ZNF337: variants seen among roughly 807,000 people sequenced by gnomAD.
ZNF337 encodes the protein zinc finger protein 337.
Under a neutral mutation model 12.1 loss-of-function variants are expected in ZNF337, and 8 were observed. The ratio of observed to expected loss-of-function variants is 0.66; its 90% confidence interval spans 0.39 to 1.19. ZNF337 has a LOEUF of 1.19. Among genes scored for constraint, ZNF337 ranks in the 50% most tolerant of loss-of-function variants. The probability of loss-of-function intolerance (pLI) is 0.01; values close to 1 mark genes in which losing one functional copy is unlikely to be tolerated. For synonymous variants in ZNF337, 336 were observed against 320.0 expected (o/e 1.05, Z -0.53); for missense variants, 882 against 896.6 (o/e 0.98, Z 0.21).
intron 4 of ZNF337, chr20:25,678,119 T>G (rs2065727329): frequency 6.6e-6 from 1 of 152,142 alleles, no homozygotes; most frequent in South Asian, 2.1e-4. Context: ...TCAAATTGTC[T>G]CTTTTTGCAG....
Position 25,675,049 on chromosome 20 carries a change from C to G in ZNF337, c.2239G>C (p.Gly747Arg), listed in dbSNP as rs199912877. The G allele has an allele frequency of 6.2e-7, 1 of 1,613,500 alleles. No homozygotes were observed. Among genetic ancestry groups the G allele is most frequent in the Non-Finnish European group, 8.5e-7 (1 of 1,179,686 alleles). ...ATATAACTTCAAGATGAAGCCTCAC[C>G]CACACTCCCTGTACAAAAACGCTTC... ...REKRFCTGSV[G>R]EASS The change falls in exon 5 of 5, where the codon GGT (glycine) becomes CGT (arginine). Residue 747 changes from glycine (G) to arginine (R), a missense_variant. Coordinates refer to ENST00000252979, the MANE Select transcript of ZNF337 (RefSeq NM_015655.4).
intron 1 of ZNF337, among the ~76,000 whole-genome samples, chr20:25,689,939 A>G (rs1157095817): frequency 6.6e-6 from 1 of 152,218 alleles, no homozygotes; most frequent in African/African-American, 2.4e-5. Context: ...AAAATACTCA[A>G]AAGTCCCCAG....
rs773238260 is a variant in ZNF337, at chr20:25,675,888, C to T, written c.1400G>A (p.Arg467Gln). Residue 467 changes from arginine (R) to glutamine (Q), a missense_variant, in exon 5 of 5, where the codon CGA becomes CAA. Transcript: ENST00000252979. ...EKPFVCKDCG[R>Q]GFIQKSTFTL... ...GAAGGTTGACTTTTGGATAAAGCCT[C>T]GTCCACAGTCCTTGCACACAAAAGG... 2.9e-5 allele frequency: 47 copies of T among 1,613,978 alleles called. No individual in the cohort carries two copies. In the Admixed American group the frequency reaches 3.0e-4, roughly 10 times the overall value.
At chr20:25,688,912 C>T (rs1440387386) in intron 1 of ZNF337, among the ~76,000 whole-genome samples, 1 of 151,952 alleles carries the variant, frequency 6.6e-6, no homozygotes, top group African/African-American at 2.4e-5. Flanking sequence ...GCCTCCTCCT[C>T]GTGGTCAGGA....
In ZNF337 at chr20:25,673,978, C is replaced by T. The variant is rs1233737862; in HGVS notation, c.*1054G>A. ...AGCTAACCACCTACCTGTGCCCCAC[C>T]AGCCAACATGCTTTACTCCTGCCAG... On this transcript the variant is annotated 3_prime_UTR_variant, in exon 5 of 5. Transcript: ENST00000252979. 3.3e-5 allele frequency: 5 copies of T among 152,192 alleles called. No individual in the cohort carries two copies. 9.4% of individuals were successfully genotyped at this position (152,192 alleles called of 1,614,324 possible). A position where few individuals can be genotyped will look rare whatever the true frequency, so the allele number is the denominator to read the frequency against.
intron 1 of ZNF337, among the ~76,000 whole-genome samples, chr20:25,694,823 CTTCT>C (rs774278795): frequency 2.6e-5 from 4 of 152,216 alleles, no homozygotes; most frequent in Non-Finnish European, 5.9e-5. Context: ...CCAAAATATA[CTTCT>C]TTGACATGTT....
intron 1 of ZNF337, among the ~76,000 whole-genome samples, chr20:25,687,306 A>G (rs1457024861): frequency 1.3e-5 from 2 of 152,176 alleles, no homozygotes; most frequent in African/African-American, 4.8e-5. Context: ...TGGGTTCATT[A>G]TATTATTTTC....
At chr20:25,686,553 G>C in intron 1 of ZNF337, 87 bp from the exon 2 acceptor site, 1 of 1,022,458 alleles carries the variant, frequency 9.8e-7, no homozygotes, top group South Asian at 1.5e-5. Context: ...ACCAACTGGG[G>C]ATCTGGGGAG....
At chr20:25,685,545 T>C (rs1400832159) in intron 4 of ZNF337, 22 bp downstream of exon 4, 7 of 1,602,240 alleles carry the variant, frequency 4.4e-6, no homozygotes, top group Non-Finnish European at 5.1e-6. Context: ...TTGTGCTCTG[T>C]CTGCCCTGTC....
chr20:25,685,713 G>T (rs776933655), intron 3 of ZNF337, 51 bp from the exon 4 acceptor site: 5 of 1,529,194 alleles, frequency 3.3e-6, no homozygotes, highest in Non-Finnish European at 4.5e-6. Context: ...TAGGCTCCAC[G>T]GGCCATTTGC....
Position 25,673,678 on chromosome 20 carries a change from T to C in ZNF337, c.*1354A>G, listed in dbSNP as rs2065641461. Among the ~76,000 whole-genome samples the C allele has an allele frequency of 6.6e-6, 1 of 152,214 alleles. No homozygotes were observed. Among genetic ancestry groups the C allele is most frequent in the South Asian group, 2.1e-4 (1 of 4,826 alleles). ...GCCTTCAGCCCACATATTTGGGCAATAATTCTGCCTTCTATCCAAGAAGAT... is the reference window on the plus strand; with the variant it reads ...GCCTTCAGCCCACATATTTGGGCAACAATTCTGCCTTCTATCCAAGAAGAT... On this transcript the variant is annotated 3_prime_UTR_variant, in exon 5 of 5. Transcript: ENST00000252979.
chr20:25,676,286 G>T lies in ZNF337; in HGVS notation c.1002C>A (p.Tyr334Ter). The change falls in exon 5 of 5, where the codon TAC (tyrosine) becomes TAA (stop). Residue 334 changes from tyrosine (Y) to a stop codon, truncating the protein, a stop_gained. Coordinates refer to ENST00000252979, the MANE Select transcript of ZNF337 (RefSeq NM_015655.4). LOFTEE classifies it low-confidence loss of function (END_TRUNC). ...ECGRGYTNKS[Y>*]FVVHKRIHSG... ...AGTGTATTCTCTTGTGCACAACGAA[G>T]TATGACTTATTAGTATAGCCTCGCC... The T allele has an allele frequency of 6.2e-7, 1 of 1,610,906 alleles. No homozygotes were observed. The highest frequency in any genetic ancestry group is 8.5e-7 in the Non-Finnish European group (1 of 1,179,168).
At chr20:25,681,510 T>TA (rs376463113) in intron 4 of ZNF337, among the ~76,000 whole-genome samples, 2 of 151,256 alleles carry the variant, frequency 1.3e-5, no homozygotes, top group South Asian at 2.1e-4. Context: ...ACAATAACCA[T>TA]AAAAAAAAAT....
Position 25,676,890 on chromosome 20 carries a change from G to T in ZNF337, c.398C>A (p.Ser133Tyr), listed in dbSNP as rs1461391857. The T allele has an allele frequency of 6.2e-7, 1 of 1,614,150 alleles. No individual in the cohort carries two copies. The highest frequency in any genetic ancestry group is 8.5e-7 in the Non-Finnish European group (1 of 1,180,034). Residue 133 changes from serine to tyrosine, a missense_variant, in exon 5 of 5, where the codon TCC becomes TAC. Transcript: ENST00000252979. ...KEKSTKPMAF[S>Y]SPPLRHAVSS... is the part of the protein sequence containing the mutation. ...TACTGCATGTCTTAGGGGTGGGCTG[G>T]AAAATGCCATGGGCTTAGTGCTTTT...
chr20:25,676,904 C>G lies in ZNF337; in HGVS notation c.384G>C (p.Lys128Asn), dbSNP rs574267493. 307 of 1,614,160 alleles carry G rather than the reference C, an allele frequency of 1.9e-4. 4 individuals are homozygous for G. The South Asian group carries it at 3.3e-3, about 17-fold the overall frequency. Residue 128 changes from lysine to asparagine, a missense_variant, in exon 5 of 5, where the codon AAG (lysine) becomes AAC (asparagine). By Grantham distance (94) the Lys-to-Asn change is moderately conservative. Transcript: ENST00000252979. ...GGGGTGGGCTGGAAAATGCCATGGGCTTAGTGCTTTTTTCTTTCTCTTGAC... is the reference window on the plus strand; with the variant it reads ...GGGGTGGGCTGGAAAATGCCATGGGGTTAGTGCTTTTTTCTTTCTCTTGAC... ...AEGQEKEKSTKPMAFSSPPLR... is the reference protein window; with the variant it reads ...AEGQEKEKSTNPMAFSSPPLR...
chr20:25,686,157 C>CA, intron 2 of ZNF337, 35 bp from the exon 3 acceptor site: 1 of 1,611,818 alleles, frequency 6.2e-7, no homozygotes, highest in Non-Finnish European at 8.5e-7. Context: ...TCACCAGGGA[C>CA]AGTGTTGCAC....
chr20:25,685,227 AC>A (rs1190518081), intron 4 of ZNF337, among the ~76,000 whole-genome samples: 1 of 152,198 alleles, frequency 6.6e-6, no homozygotes, highest in African/African-American at 2.4e-5. Flanking sequence ...ACAAAACAAA[AC>A]AAAAAGAAGC....
rs1176291846 is a variant in ZNF337, at chr20:25,676,555, A to C, written c.733T>G (p.Phe245Val). 6.2e-7 allele frequency: 1 copy of C among 1,614,176 alleles called. No individual in the cohort carries two copies. Among genetic ancestry groups the C allele is most frequent in the South Asian group, 1.1e-5 (1 of 91,080 alleles). The change falls in exon 5 of 5, where the codon TTC becomes GTC. Residue 245 changes from phenylalanine to valine, a missense_variant. Coordinates refer to ENST00000252979, the MANE Select transcript of ZNF337 (RefSeq NM_015655.4). Reference protein sequence around the residue: ...SYVCSVCGRGFSLKANLLRHQ... With the variant: ...SYVCSVCGRGVSLKANLLRHQ... ...CTGAGGAGGTTGGCCTTGAGGCTGA[A>C]GCCTCGCCCACACACACTGCACACA...
intron 4 of ZNF337, among the ~76,000 whole-genome samples, chr20:25,680,412 C>A (rs982025664): frequency 2.6e-5 from 4 of 151,532 alleles, no homozygotes; most frequent in Non-Finnish European, 5.9e-5. Context: ...AAATAATCCC[C>A]CCAAAACTAA....
Sources: allele counts gnomAD v4.1 joint callset (sites outside exome capture counted in the v4.1 genomes callset), GRCh38; gene constraint gnomAD v4.1.1; transcripts MANE v1.5; gene names NCBI Gene and HGNC (gene_info 2026-07-23, HGNC 2026-07-21).